FTCDNL1: variants seen among roughly 807,000 people sequenced by gnomAD.
The protein encoded by FTCDNL1 is formiminotransferase N-terminal subdomain-containing protein.
In FTCDNL1, 11 loss-of-function variants were observed where a neutral mutation model predicts 5.9. That is an observed-to-expected ratio of 1.87 (90% CI 1.18 to 3.10). FTCDNL1 has a LOEUF of 3.10. Among genes scored for constraint, FTCDNL1 ranks in the 30% most tolerant of loss-of-function variants. The pLI is 0.00. For missense variants in FTCDNL1, 115 were observed against 65.5 expected, an observed-to-expected ratio of 1.76 and a Z score of -2.61; for synonymous variants, 58 against 24.8, an observed-to-expected ratio of 2.34 and a Z score of -3.99.
chr2:199,779,689 C>T (rs958843250), intron 3 of FTCDNL1, among the ~76,000 whole-genome samples: 3 of 152,168 alleles, frequency 2.0e-5, no homozygotes, highest in African/African-American at 7.2e-5. Context: ...GACAATCAAA[C>T]CTGGAAAACC....
chr2:199,717,509 A>ATTTTTTTTTTTTTT, the FTCDNL1 span, among the ~76,000 whole-genome samples: 86 of 57,692 alleles, frequency 1.5e-3, 4 homozygotes, highest in African/African-American at 1.9e-3. Flanking sequence ...CAAGGCAGAG[A>ATTTTTTTTTTTTTT]TTTTTTTTTT....
intron 3 of FTCDNL1, among the ~76,000 whole-genome samples, chr2:199,798,154 C>G (rs890577221): frequency 2.0e-5 from 3 of 152,182 alleles, no homozygotes; most frequent in African/African-American, 7.2e-5. Context: ...ATAAATGTAA[C>G]TCAACTTGAT....
At chr2:199,784,231 A>G (rs1411776432) in intron 3 of FTCDNL1, among the ~76,000 whole-genome samples, 1 of 152,200 alleles carries the variant, frequency 6.6e-6, no homozygotes, top group East Asian at 1.9e-4. Context: ...AAAGACTCCC[A>G]GCAACAGCAA....
chr2:199,747,769 T>C, the FTCDNL1 span, among the ~76,000 whole-genome samples: 36 of 152,244 alleles, frequency 2.4e-4, no homozygotes, highest in Non-Finnish European at 4.4e-4. Context: ...AGTCTCCATT[T>C]TCCAGCTCAT....
At chr2:199,718,161 T>A in the FTCDNL1 span, among the ~76,000 whole-genome samples, 1 of 152,104 alleles carries the variant, frequency 6.6e-6, no homozygotes, top group Non-Finnish European at 1.5e-5. Context: ...GTGTGCCCAT[T>A]GCCCAAATAG....
intron 3 of FTCDNL1, among the ~76,000 whole-genome samples, chr2:199,776,291 G>C (rs1039234204): frequency 5.3e-5 from 8 of 152,138 alleles, no homozygotes; most frequent in African/African-American, 1.9e-4. Context: ...TGAGAACAAG[G>C]AAACAGATGT....
At chr2:199,705,680 T>C in the FTCDNL1 span, among the ~76,000 whole-genome samples, 1 of 152,192 alleles carries the variant, frequency 6.6e-6, no homozygotes, top group Non-Finnish European at 1.5e-5. Flanking sequence ...GAGAAAACAG[T>C]CATCGTAATG....
chr2:199,675,328 A>G, the FTCDNL1 span, among the ~76,000 whole-genome samples: 2 of 152,278 alleles, frequency 1.3e-5, no homozygotes, highest in South Asian at 4.1e-4. Flanking sequence ...TTAGTGTTCA[A>G]TAAAGGTTGG....
At chr2:199,796,232 C>A (rs1349402722) in intron 3 of FTCDNL1, among the ~76,000 whole-genome samples, 1 of 151,966 alleles carries the variant, frequency 6.6e-6, no homozygotes, top group East Asian at 1.9e-4. Context: ...ATCACGGTGA[C>A]AATAAAACAA....
rs1701094257 is a variant in FTCDNL1, at chr2:199,812,523, T to A, written c.*182A>T. The stretch of plus-strand genomic sequence containing the variant: ...AGCAAATCGTATTTCTAGTTAAATG[T>A]CATATAATTAAAGTAATTCCACTTT... On this transcript the variant is annotated 3_prime_UTR_variant, in exon 5 of 5. Coordinates refer to ENST00000420128, the MANE Select transcript of FTCDNL1 (RefSeq NM_001363886.2). 1 of 446,084 alleles carries A rather than the reference T, an allele frequency of 2.2e-6. No individual in the cohort carries two copies. Among genetic ancestry groups the A allele is most frequent in the South Asian group, 5.8e-5 (1 of 17,238 alleles). The allele number at this position is 446,084 out of a possible 1,614,324, so 27.6% of individuals were successfully genotyped here. A position where few individuals can be genotyped will look rare whatever the true frequency, so the allele number is the denominator to read the frequency against.
chr2:199,757,762 T>C (rs936712377), downstream of FTCDNL1, among the ~76,000 whole-genome samples: 2 of 152,214 alleles, frequency 1.3e-5, no homozygotes, highest in Non-Finnish European at 2.9e-5. Context: ...CTGGTGGTGG[T>C]AGCAATTGGC....
At chr2:199,831,725 G>A (rs1359351306) in intron 3 of FTCDNL1, among the ~76,000 whole-genome samples, 1 of 152,158 alleles carries the variant, frequency 6.6e-6, no homozygotes, top group African/African-American at 2.4e-5. Flanking sequence ...AATGAGAGTA[G>A]TGATCAGAGG....
chr2:199,823,336 C>T (rs1701812786), intron 3 of FTCDNL1, among the ~76,000 whole-genome samples: 1 of 152,136 alleles, frequency 6.6e-6, no homozygotes, highest in Non-Finnish European at 1.5e-5. Context: ...TTGACTTCCC[C>T]CCAAGAATCA....
intron 3 of FTCDNL1, among the ~76,000 whole-genome samples, chr2:199,792,590 A>G (rs1699986057): frequency 6.6e-6 from 1 of 151,920 alleles, no homozygotes; most frequent in Admixed American, 6.6e-5. Flanking sequence ...CTCACACATC[A>G]CTTATTTCCC....
the FTCDNL1 span, among the ~76,000 whole-genome samples, chr2:199,699,176 G>C: frequency 6.6e-6 from 1 of 152,064 alleles, no homozygotes; most frequent in Non-Finnish European, 1.5e-5. Context: ...GATGTATAAA[G>C]AAGAGCTGCG....
intron 3 of FTCDNL1, among the ~76,000 whole-genome samples, chr2:199,763,403 G>T (rs938532523): frequency 5.3e-5 from 8 of 152,158 alleles, no homozygotes; most frequent in African/African-American, 1.9e-4. Flanking sequence ...TACAAGGGTG[G>T]GAGGGGACAG....
the FTCDNL1 span, among the ~76,000 whole-genome samples, chr2:199,699,472 A>G: frequency 6.6e-6 from 1 of 152,028 alleles, no homozygotes; most frequent in African/African-American, 2.4e-5. Context: ...AAGAAGAAGA[A>G]GAGTTTGTAC....
At chr2:199,667,536 C>T in the FTCDNL1 span, among the ~76,000 whole-genome samples, 4 of 152,000 alleles carry the variant, frequency 2.6e-5, no homozygotes, top group Admixed American at 2.0e-4. Flanking sequence ...GTGGCATGCA[C>T]GTAGTGGGAG....
chr2:199,692,029 T>C, the FTCDNL1 span, among the ~76,000 whole-genome samples: 2 of 152,196 alleles, frequency 1.3e-5, no homozygotes, highest in African/African-American at 4.8e-5. Context: ...TATACTGTTA[T>C]CTTAAAATGC....
Sources: allele counts gnomAD v4.1 joint callset (sites outside exome capture counted in the v4.1 genomes callset), GRCh38; gene constraint gnomAD v4.1.1; transcripts MANE v1.5; gene names NCBI Gene and HGNC (gene_info 2026-07-23, HGNC 2026-07-21).